Variants in FKRP observed in about 807,000 individuals in gnomAD.
FKRP encodes ribitol 5-phosphate transferase FKRP.
In FKRP, 25 loss-of-function variants were observed where a neutral mutation model predicts 30.6. The ratio of observed to expected loss-of-function variants is 0.82; its 90% CI spans 0.60 to 1.14. The LOEUF (loss-of-function observed/expected upper bound fraction) is 1.14, where lower values mean the gene tolerates loss of function less well. Ranked by LOEUF, FKRP falls within the 50% of genes most tolerant of loss-of-function variation. The probability of loss-of-function intolerance (pLI) is 0.00; values close to 1 mark genes in which losing one functional copy is unlikely to be tolerated. For missense variants in FKRP, 771 were observed against 727.8 expected, an observed-to-expected ratio of 1.06 and a Z score of -0.68; for synonymous variants, 358 against 342.5, an observed-to-expected ratio of 1.05 and a Z score of -0.50.
At chr19:46,749,016 T>G (rs918064077) in intron 3 of FKRP, 1 of 152,262 alleles carries the variant, frequency 6.6e-6, no homozygotes, top group African/African-American at 2.4e-5. Context: ...GTACTGAGAT[T>G]ACAGGTGTGA....
Position 46,756,579 on chromosome 19 carries a change from CAGCTGCGGGG to C in FKRP, c.1130_1139del (p.Gln377ArgfsTer48), listed in dbSNP as rs1352074973. 2 of 1,609,954 alleles carry C rather than the reference CAGCTGCGGGG, an allele frequency of 1.2e-6. No individual in the cohort carries two copies. Among genetic ancestry groups the C allele is most frequent in the Non-Finnish European group, 8.5e-7 (1 of 1,178,750 alleles). ...CTTGGAGGACGTGGGCAACTGCGAG[CAGCTGCGGGG>C]GGCAGAGGCCGGCTCGGTGGTGGAT... is the stretch of plus-strand genomic sequence containing the variant. On this transcript the variant is annotated frameshift_variant, in exon 4 of 4. Coordinates refer to ENST00000318584, the MANE Select transcript of FKRP (RefSeq NM_024301.5). LOFTEE classifies it high-confidence loss of function. This position sits in a 1 kb window ranked among gnomAD's most constrained non-coding sequence, Gnocchi z 6.6.
intron 1 of FKRP, chr19:46,746,498 C>T (rs1389612871): frequency 3.5e-6 from 3 of 849,028 alleles, no homozygotes; most frequent in East Asian, 1.2e-4. Context: ...CCAACACCCC[C>T]CCCCCTCCCC....
At chr19:46,754,856 T>TA (rs2054874679) in intron 3 of FKRP, among the ~76,000 whole-genome samples, 2 of 152,172 alleles carry the variant, frequency 1.3e-5, no homozygotes, top group Admixed American at 1.3e-4. Context: ...TCCACCTGCC[T>TA]TGTCCTCTCA....
chr19:46,753,673 A>G (rs1402819955), intron 3 of FKRP, among the ~76,000 whole-genome samples: 1 of 151,774 alleles, frequency 6.6e-6, no homozygotes, highest in East Asian at 1.9e-4. Context: ...GTGCTTTAGG[A>G]AGACTCCTCT....
chr19:46,755,310 G>A (rs1335633391), intron 3 of FKRP, 102 bp from the exon 4 acceptor site: 3 of 766,318 alleles, frequency 3.9e-6, no homozygotes, highest in Non-Finnish European at 2.0e-6. Context: ...GGAAAAGAAA[G>A]GGAATTGAGA....
rs760295001 is a variant in FKRP, at chr19:46,755,482, C to T, written c.32C>T (p.Ala11Val). MRLTRCQAAL[A>V]AAITLNLLVL... ...CTCACCCGCTGCCAGGCTGCCCTGGCGGCCGCCATCACCCTCAACCTTCTG... is the reference window on the plus strand; with the variant it reads ...CTCACCCGCTGCCAGGCTGCCCTGGTGGCCGCCATCACCCTCAACCTTCTG... The change falls in exon 4 of 4, where the codon GCG becomes GTG. Residue 11 changes from alanine to valine, a missense_variant. Coordinates refer to ENST00000318584, the MANE Select transcript of FKRP (RefSeq NM_024301.5). 2 of 1,608,974 alleles carry T rather than the reference C, an allele frequency of 1.2e-6. No homozygotes were observed. The highest frequency in any genetic ancestry group is 2.7e-5 in the African/African-American group (2 of 74,842).
At chr19:46,746,432 G>A in intron 1 of FKRP, 1 of 1,017,678 alleles carries the variant, frequency 9.8e-7, no homozygotes. Context: ...CTCCATCATG[G>A]AGGCCCCGGG....
chr19:46,751,214 C>T (rs1344754597), intron 3 of FKRP, among the ~76,000 whole-genome samples: 1 of 152,008 alleles, frequency 6.6e-6, no homozygotes, highest in Non-Finnish European at 1.5e-5. Flanking sequence ...AGGTGCAAGC[C>T]ATCACATCCA....
At chr19:46,746,413 C>A in intron 1 of FKRP, 1 of 1,042,306 alleles carries the variant, frequency 9.6e-7, no homozygotes, top group African/African-American at 1.7e-5. Flanking sequence ...CCGCGGCGGC[C>A]GCTCGCTCCT....
intron 3 of FKRP, among the ~76,000 whole-genome samples, chr19:46,750,564 C>T (rs2054771772): frequency 1.3e-5 from 2 of 152,120 alleles, no homozygotes; most frequent in Admixed American, 6.6e-5. Context: ...CTCGCTCTGT[C>T]GCCCAGGCTG....
At chr19:46,753,328 A>G (rs200976436) in intron 3 of FKRP, among the ~76,000 whole-genome samples, 14 of 13,780 alleles carry the variant, frequency 1.0e-3, no homozygotes, top group Non-Finnish European at 1.7e-3. Flanking sequence ...GTGGTGGCGC[A>G]TGCCTGTAAT....
intron 1 of FKRP, chr19:46,746,499 C>A (rs1391641539): frequency 2.3e-6 from 2 of 853,756 alleles, no homozygotes; most frequent in Non-Finnish European, 2.8e-6. Flanking sequence ...CAACACCCCC[C>A]CCCCTCCCCC....
intron 3 of FKRP, among the ~76,000 whole-genome samples, chr19:46,755,097 G>A (rs764013788): frequency 6.6e-6 from 1 of 151,006 alleles, no homozygotes; most frequent in Non-Finnish European, 1.5e-5. Context: ...CTGAAACTCT[G>A]TACTTATCAA....
rs1490871146 is a variant in FKRP, at chr19:46,757,576, C to G, written c.*638C>G. On this transcript the variant is annotated 3_prime_UTR_variant, in exon 4 of 4. Coordinates refer to ENST00000318584, the MANE Select transcript of FKRP (RefSeq NM_024301.5). ...TTCCATAGCCATCTACTCTCTTGAG[C>G]CTTTGGACTTCTCTCCAAGCCCCTG... 1.2e-5 allele frequency: 2 copies of G among 172,214 alleles called. No individual in the cohort carries two copies. The highest frequency in any genetic ancestry group is 2.8e-5 in the Non-Finnish European group (2 of 71,122). The allele number at this position is 172,214 out of a possible 1,614,324, so 10.7% of individuals were successfully genotyped here.
chr19:46,749,981 G>C (rs2054756728), intron 3 of FKRP, among the ~76,000 whole-genome samples: 1 of 152,062 alleles, frequency 6.6e-6, no homozygotes, highest in Non-Finnish European at 1.5e-5. Context: ...TCCTCCCAAA[G>C]TGCTGGGATT....
In FKRP at chr19:46,746,501, C is replaced by G. The variant is rs948738842; in HGVS notation, c.-253+411C>G. 1.9e-4 allele frequency: 165 copies of G among 851,228 alleles called. 1 individual carries two copies. Among genetic ancestry groups the G allele is most frequent in the Middle Eastern group, 1.2e-3 (2 of 1,688 alleles). The allele number at this position is 851,228 out of a possible 1,614,324, so 52.7% of individuals were successfully genotyped here. ...TGCGCGGCCGCGCCAACACCCCCCC[C>G]CCTCCCCCGCCGCAACCACCGCGCG... is the stretch of plus-strand genomic sequence containing the variant. On this transcript the variant is annotated intron_variant, in intron 1 of 3. Coordinates refer to ENST00000318584, the MANE Select transcript of FKRP (RefSeq NM_024301.5).
chr19:46,748,686 C>T (rs1180613172), intron 3 of FKRP, 21 bp downstream of exon 3: 2 of 152,384 alleles, frequency 1.3e-5, no homozygotes, highest in African/African-American at 4.8e-5. Context: ...TGTTTCTACT[C>T]TTGCGCCCCC....
At chr19:46,754,331 CCTG>C (rs2054856882) in intron 3 of FKRP, 31 of 150,666 alleles carry the variant, frequency 2.1e-4, no homozygotes, top group African/African-American at 7.1e-4. Context: ...AGTCACTGTA[CCTG>C]GCCCACCCCA....
chr19:46,746,346 T>G, intron 1 of FKRP: 1 of 1,246,244 alleles, frequency 8.0e-7, no homozygotes. Context: ...GCCGCCCCAG[T>G]GGGGCCAGGG....
Sources: allele counts gnomAD v4.1 joint callset (sites outside exome capture counted in the v4.1 genomes callset), GRCh38; gene constraint gnomAD v4.1.1; non-coding constraint Gnocchi (gnomAD v3.1); transcripts MANE v1.5; gene names NCBI Gene and HGNC (gene_info 2026-07-23, HGNC 2026-07-21).